Variants in INSL6 observed in about 807,000 individuals in gnomAD.
INSL6 encodes insulin like 6, also known as insulin-like peptide INSL6.
INSL6 carries 16 observed loss-of-function variants against 9.4 expected under a neutral mutation model. The ratio of observed to expected loss-of-function variants is 1.70; its 90% CI spans 1.15 to 2.59. The LOEUF is 2.59. Ranked by LOEUF, INSL6 falls within the 30% of genes most tolerant of loss-of-function variation. The pLI, the probability that INSL6 is intolerant of heterozygous loss-of-function variation, is 0.00. For missense variants in INSL6, 391 were observed against 257.3 expected (o/e 1.52, Z -3.56); for synonymous variants, 154 against 96.9 (o/e 1.59, Z -3.46).
At chr9:5,093,079 A>C in the INSL6 span, among the ~76,000 whole-genome samples, 1 of 152,222 alleles carries the variant, frequency 6.6e-6, no homozygotes, top group Non-Finnish European at 1.5e-5. Context: ...ATTTAATAGA[A>C]GCAATAATGT....
At chr9:5,116,805 G>C in the INSL6 span, among the ~76,000 whole-genome samples, 1 of 152,282 alleles carries the variant, frequency 6.6e-6, no homozygotes, top group African/African-American at 2.4e-5. Flanking sequence ...ACTACCCATA[G>C]TCCCTTCAAG....
the INSL6 span, among the ~76,000 whole-genome samples, chr9:5,067,403 A>G: frequency 3.9e-5 from 6 of 152,272 alleles, no homozygotes; most frequent in African/African-American, 1.2e-4. Context: ...TATAAATCCT[A>G]AGAAACTATA....
downstream of INSL6, chr9:5,163,786 G>A (rs1824979541): frequency 1.5e-6 from 1 of 659,394 alleles, no homozygotes; most frequent in Non-Finnish European, 2.6e-6. Context: ...TATAAGGTAT[G>A]GTCAAGTGCT....
At chr9:5,161,799 A>G (rs150220442), downstream of INSL6, among the ~76,000 whole-genome samples, 602 of 152,262 alleles carry the variant, frequency 4.0e-3, 6 homozygotes, top group African/African-American at 0.014. Context: ...AAGAGCAAAC[A>G]ATCTGAAAAA....
chr9:5,090,405 T>C, the INSL6 span: 2 of 1,429,454 alleles, frequency 1.4e-6, no homozygotes, highest in African/African-American at 1.4e-5. Context: ...ATCAGTATAA[T>C]ATGGCAGAGT....
chr9:5,029,601 T>TA, the INSL6 span, among the ~76,000 whole-genome samples: 2 of 152,138 alleles, frequency 1.3e-5, no homozygotes, highest in African/African-American at 4.8e-5. Flanking sequence ...TATGTTTGTA[T>TA]AAAAAAAGAT....
chr9:5,179,691 G>T (rs1825401790), intron 1 of INSL6, among the ~76,000 whole-genome samples: 1 of 152,204 alleles, frequency 6.6e-6, no homozygotes, highest in African/African-American at 2.4e-5. Context: ...CATGTCCTTT[G>T]CAGGGACATG....
the INSL6 span, chr9:5,109,971 C>T: frequency 6.6e-6 from 1 of 152,172 alleles, no homozygotes; most frequent in Admixed American, 6.5e-5. Flanking sequence ...AGCAGCCCTC[C>T]AAGCAGTCCT....
At chr9:5,032,906 G>C in the INSL6 span, among the ~76,000 whole-genome samples, 4 of 152,202 alleles carry the variant, frequency 2.6e-5, no homozygotes, top group African/African-American at 9.6e-5. Context: ...GAATGACTTT[G>C]ACAAGTTGAG....
chr9:5,025,963 T>G, the INSL6 span, among the ~76,000 whole-genome samples: 3 of 152,376 alleles, frequency 2.0e-5, no homozygotes, highest in Non-Finnish European at 4.4e-5. Flanking sequence ...TTTGTCTTCA[T>G]AACTTATAAT....
chr9:5,177,937 G>A (rs60460912), intron 1 of INSL6, among the ~76,000 whole-genome samples: 58,038 of 151,884 alleles, frequency 0.38, 12,606 homozygotes, highest in African/African-American at 0.61. Context: ...GTACAGTGGC[G>A]TGATCTTGGC....
chr9:5,031,823 A>C, the INSL6 span, among the ~76,000 whole-genome samples: 1 of 152,240 alleles, frequency 6.6e-6, no homozygotes, highest in Non-Finnish European at 1.5e-5. Context: ...TACAGCTCCC[A>C]GCATGGGCGA....
At chr9:5,119,253 A>G (rs1823434673), downstream of INSL6, among the ~76,000 whole-genome samples, 1 of 152,110 alleles carries the variant, frequency 6.6e-6, no homozygotes, top group Non-Finnish European at 1.5e-5. Context: ...TATTAATAAT[A>G]TGTGATTTTT....
the INSL6 span, chr9:5,090,807 G>C: frequency 6.2e-6 from 10 of 1,613,550 alleles, no homozygotes; most frequent in Non-Finnish European, 8.5e-6. Flanking sequence ...TATTGGTGGA[G>C]AACGAGAACA....
chr9:5,109,698 C>G, the INSL6 span: 4 of 152,154 alleles, frequency 2.6e-5, no homozygotes, highest in South Asian at 4.1e-4. Flanking sequence ...AATGACAATC[C>G]CAACTCTTAA....
the INSL6 span, among the ~76,000 whole-genome samples, chr9:5,001,251 G>A: frequency 5.3e-5 from 8 of 152,128 alleles, no homozygotes; most frequent in Non-Finnish European, 8.8e-5. Context: ...TGGTGGTGGT[G>A]AGCATCCTTT....
chr9:5,081,587 A>T, the INSL6 span: 1 of 610,202 alleles, frequency 1.6e-6, no homozygotes, highest in Non-Finnish European at 2.9e-6. Context: ...CCATTAATAT[A>T]ATTGAAACTA....
chr9:5,125,235 C>G (rs1823897579), intron 3 of INSL6, among the ~76,000 whole-genome samples: 1 of 150,710 alleles, frequency 6.6e-6, no homozygotes, highest in Admixed American at 6.6e-5. Flanking sequence ...ACTTTTATAA[C>G]TTTTATAAAA....
chr9:5,049,965 T>A, the INSL6 span, among the ~76,000 whole-genome samples: 2 of 152,192 alleles, frequency 1.3e-5, no homozygotes, highest in African/African-American at 4.8e-5. Context: ...TACAATCTTA[T>A]GGAACCATCG....
Sources: allele counts gnomAD v4.1 joint callset (sites outside exome capture counted in the v4.1 genomes callset), GRCh38; gene constraint gnomAD v4.1.1; transcripts MANE v1.5; gene names NCBI Gene and HGNC (gene_info 2026-07-23, HGNC 2026-07-21).